The following ZNF678 variants were observed in gnomAD, a reference collection of about 807,000 sequenced individuals.
ZNF678 encodes the protein hypothetical protein MGC42493.
In ZNF678, 5 loss-of-function variants were observed where a neutral mutation model predicts 3.0. That is an observed-to-expected ratio of 1.69 (90% CI 0.88 to 3.56). The LOEUF is 3.56. Ranked by LOEUF, ZNF678 falls within the 30% of genes most tolerant of loss-of-function variation. The pLI is 0.00. For missense variants in ZNF678, 593 were observed against 605.0 expected, an observed-to-expected ratio of 0.98 and a Z score of 0.21; for synonymous variants, 218 against 199.6, an observed-to-expected ratio of 1.09 and a Z score of -0.78.
chr1:227,594,961 C>G (rs557178066), intron 1 of ZNF678, among the ~76,000 whole-genome samples: 1 of 152,044 alleles, frequency 6.6e-6, no homozygotes, highest in Non-Finnish European at 1.5e-5. Context: ...TGCTACAGAT[C>G]GAATGCATTT....
At chr1:227,669,962 A>C (rs1306308103) in intron 5 of ZNF678, among the ~76,000 whole-genome samples, 1 of 152,244 alleles carries the variant, frequency 6.6e-6, no homozygotes, top group Non-Finnish European at 1.5e-5. Flanking sequence ...GGTGCCCGAC[A>C]ATGCTGGATT....
chr1:227,585,903 A>G (rs1657248098), intron 1 of ZNF678, among the ~76,000 whole-genome samples: 1 of 152,228 alleles, frequency 6.6e-6, no homozygotes, highest in Non-Finnish European at 1.5e-5. Context: ...TTTAAAAATA[A>G]ACAGAAATGA....
intron 1 of ZNF678, among the ~76,000 whole-genome samples, chr1:227,567,971 T>C (rs1656739254): frequency 6.6e-6 from 1 of 151,950 alleles, no homozygotes; most frequent in Non-Finnish European, 1.5e-5. Flanking sequence ...AGAAAGAATG[T>C]GGGAAGGGGA....
At chr1:227,566,822 T>A (rs1488904930) in intron 1 of ZNF678, among the ~76,000 whole-genome samples, 1 of 152,240 alleles carries the variant, frequency 6.6e-6, no homozygotes, top group East Asian at 1.9e-4. Flanking sequence ...ACCTTTTTCT[T>A]CATCAGAGTG....
chr1:227,651,153 A>C, intron 3 of ZNF678, 77 bp downstream of exon 3: 1 of 1,513,108 alleles, frequency 6.6e-7, no homozygotes, highest in East Asian at 2.3e-5. Flanking sequence ...GATATACCTG[A>C]GTCCTAAGGT....
chr1:227,619,581 G>A (rs535368412), intron 1 of ZNF678, among the ~76,000 whole-genome samples: 18 of 151,564 alleles, frequency 1.2e-4, no homozygotes, highest in African/African-American at 3.4e-4. Context: ...GCATGATCTC[G>A]GCTCACTGCA....
At position 227,661,579 on chromosome 1, in the gene ZNF678, A is replaced by C. The variant is rs1659407414; in HGVS notation, c.*5751A>C. 1 of 152,108 alleles carries C rather than the reference A, an allele frequency of 6.6e-6. No individual in the cohort carries two copies. The highest frequency in any genetic ancestry group is 2.1e-4 in the South Asian group (1 of 4,820). The allele number at this position is 152,108 out of a possible 1,614,324, so 9.4% of individuals were successfully genotyped here. A position where few individuals can be genotyped will look rare whatever the true frequency, so the allele number is the denominator to read the frequency against. ...GGTTGACCTGCTTTCCATGTCTCAA[A>C]ACATTAGTCCCTACAAGAACCCTAT... On this transcript the variant is annotated 3_prime_UTR_variant, in exon 4 of 4. Transcript: ENST00000343776.
intron 1 of ZNF678, among the ~76,000 whole-genome samples, chr1:227,593,708 C>G (rs955231316): frequency 1.3e-5 from 2 of 152,032 alleles, no homozygotes; most frequent in African/African-American, 4.8e-5. Flanking sequence ...ACTAGATGGT[C>G]AGCAATAGAA....
At chr1:227,579,772 T>G (rs1408973906) in intron 1 of ZNF678, among the ~76,000 whole-genome samples, 1 of 152,160 alleles carries the variant, frequency 6.6e-6, no homozygotes, top group Non-Finnish European at 1.5e-5. Flanking sequence ...GACCAAGGGA[T>G]GCTCAGGTCA....
intron 3 of ZNF678, among the ~76,000 whole-genome samples, chr1:227,651,602 G>A (rs1272252196): frequency 6.6e-6 from 1 of 152,172 alleles, no homozygotes; most frequent in Non-Finnish European, 1.5e-5. Flanking sequence ...TGTTAAATGG[G>A]CCATTTCCTC....
At chr1:227,606,804 A>G (rs1274724574) in intron 1 of ZNF678, among the ~76,000 whole-genome samples, 1 of 152,170 alleles carries the variant, frequency 6.6e-6, no homozygotes, top group Non-Finnish European at 1.5e-5. Context: ...CTGTCTGCAG[A>G]CATATTGTTA....
intron 1 of ZNF678, among the ~76,000 whole-genome samples, chr1:227,583,413 A>G (rs1190706307): frequency 5.0e-5 from 7 of 139,664 alleles, no homozygotes; most frequent in Non-Finnish European, 1.5e-5. Context: ...GTGCAGTGGC[A>G]CAATCACAGC....
At chr1:227,616,425 T>A (rs1375387840) in intron 1 of ZNF678, among the ~76,000 whole-genome samples, 3 of 152,234 alleles carry the variant, frequency 2.0e-5, no homozygotes, top group Non-Finnish European at 4.4e-5. Context: ...CAGTAATTCT[T>A]CTTTTTCTGT....
At chr1:227,567,372 A>G (rs1183539995) in intron 1 of ZNF678, among the ~76,000 whole-genome samples, 1 of 152,208 alleles carries the variant, frequency 6.6e-6, no homozygotes, top group Non-Finnish European at 1.5e-5. Context: ...TGGAAAGTAG[A>G]AGTCTGAGCC....
At position 227,655,113 on chromosome 1, in the gene ZNF678, C is replaced by A. The variant is rs1659196703; in HGVS notation, c.863C>A (p.Thr288Asn). Residue 288 changes from threonine to asparagine, a missense_variant, in exon 4 of 4, where the codon ACT becomes AAT. Coordinates refer to ENST00000343776, the MANE Select transcript of ZNF678 (RefSeq NM_001367909.1). ...CTAACTAGACATAGGAGAATTCATA[C>A]TGGAGAGAAACCCTACAAATGTGAA... ...SHLTRHRRIH[T>N]GEKPYKCEEC... is the part of the protein sequence containing the mutation. The A allele has an allele frequency of 6.2e-7, 1 of 1,612,628 alleles. No individual in the cohort carries two copies. Among genetic ancestry groups the A allele is most frequent in the African/African-American group, 1.3e-5 (1 of 74,742 alleles).
At chr1:227,578,540 A>G (rs1190622842) in intron 1 of ZNF678, among the ~76,000 whole-genome samples, 4 of 152,208 alleles carry the variant, frequency 2.6e-5, no homozygotes, top group African/African-American at 4.8e-5. Flanking sequence ...TCTGCTATTA[A>G]TACTTGTCAT....
At chr1:227,578,368 G>A (rs1221637099) in intron 1 of ZNF678, among the ~76,000 whole-genome samples, 1 of 152,118 alleles carries the variant, frequency 6.6e-6, no homozygotes, top group Non-Finnish European at 1.5e-5. Context: ...TTCCTTCAGG[G>A]ACACCAGTGA....
chr1:227,565,443 A>G (rs1262509733), intron 1 of ZNF678, among the ~76,000 whole-genome samples: 2 of 152,068 alleles, frequency 1.3e-5, no homozygotes, highest in African/African-American at 4.8e-5. Context: ...TGAAGCCTCC[A>G]ACTCCTGGAC....
intron 1 of ZNF678, among the ~76,000 whole-genome samples, chr1:227,600,399 A>G (rs1333341320): frequency 6.6e-6 from 1 of 152,212 alleles, no homozygotes; most frequent in Non-Finnish European, 1.5e-5. Flanking sequence ...GTGTTCCACA[A>G]TGTTTGAACA....
Sources: gnomAD v4.1 joint callset for allele counts (sites outside exome capture counted in the v4.1 genomes callset) on GRCh38, gnomAD v4.1.1 for gene constraint, MANE v1.5 for transcripts, NCBI Gene and HGNC (gene_info 2026-07-23, HGNC 2026-07-21) for gene names.